BCAS3: variants seen among roughly 807,000 people sequenced by gnomAD.
BCAS3 encodes BCAS4/BCAS3 fusion.
BCAS3 carries 53 observed loss-of-function variants against 116.1 expected under a neutral mutation model. The observed-to-expected ratio is 0.46, with a 90% confidence interval of 0.37 to 0.57. BCAS3 has a LOEUF of 0.57. Among genes scored for constraint, BCAS3 ranks in the 20% least tolerant of loss-of-function variants. BCAS3 has a pLI of 0.00. For synonymous variants in BCAS3, 391 were observed against 408.2 expected, an observed-to-expected ratio of 0.96 and a Z score of 0.51; for missense variants, 917 against 1,165.4, an observed-to-expected ratio of 0.79 and a Z score of 3.10.
rs2058592473 is a variant in BCAS3, at chr17:61,363,917, C to CTCACCCTCCAAGGGCTTGGCCTCT, written c.2426-4403_2426-4380dup. On this transcript the variant is annotated intron_variant, in intron 22 of 23. Transcript: ENST00000407086. The surrounding 1 kb of genome is among the most constrained non-coding windows in gnomAD (Gnocchi z 4.9). Reference sequence around the variant, plus strand: ...AGTTTTCCAAGAGCCCAGAGATGACCTCACCCTCCAAGGGCTTGGCCTCTT... The same window carrying CTCACCCTCCAAGGGCTTGGCCTCT: ...AGTTTTCCAAGAGCCCAGAGATGACCTCACCCTCCAAGGGCTTGGCCTCTTCACCCTCCAAGGGCTTGGCCTCTT... 1.3e-5 allele frequency among the ~76,000 whole-genome samples: 2 copies of CTCACCCTCCAAGGGCTTGGCCTCT among 152,184 alleles called. No individual in the cohort carries two copies. Among genetic ancestry groups the CTCACCCTCCAAGGGCTTGGCCTCT allele is most frequent in the African/African-American group, 4.8e-5 (2 of 41,440 alleles).
chr17:60,929,127 A>G (rs1441632797), intron 13 of BCAS3, among the ~76,000 whole-genome samples: 5 of 152,238 alleles, frequency 3.3e-5, no homozygotes, highest in African/African-American at 1.2e-4. Context: ...GAAATGCGAC[A>G]TTATAAAATG....
rs756931836 is a variant in BCAS3 at position 61,088,257 on chromosome 17, G to A, written c.2425+3693G>A. On this transcript the variant is annotated intron_variant, in intron 22 of 23. Coordinates refer to ENST00000407086, the MANE Select transcript of BCAS3 (RefSeq NM_017679.5). This position sits in a 1 kb window ranked among gnomAD's most constrained non-coding sequence, Gnocchi z 4.2. ...TGTGGGGGTTAAATAATTGTAAGAT[G>A]TTCCATTGTTGGCTGAGGAGATCAT... Among the ~76,000 whole-genome samples, 5 of 152,130 alleles carry A rather than the reference G, an allele frequency of 3.3e-5. No homozygotes were observed. Among genetic ancestry groups the A allele is most frequent in the Non-Finnish European group, 5.9e-5 (4 of 68,020 alleles).
At chr17:60,766,392 TG>T (rs1760493392) in intron 6 of BCAS3, among the ~76,000 whole-genome samples, 1 of 152,206 alleles carries the variant, frequency 6.6e-6, no homozygotes, top group African/African-American at 2.4e-5. Context: ...ATGTCCTTTT[TG>T]TTGATGTTGA....
chr17:60,790,808 A>G (rs2046705002), intron 6 of BCAS3, among the ~76,000 whole-genome samples: 1 of 124,464 alleles, frequency 8.0e-6, no homozygotes. Context: ...CAGTGGTGTG[A>G]TCTCAGCTCA....
chr17:60,854,470 GCA>G (rs1358465109), intron 7 of BCAS3, among the ~76,000 whole-genome samples: 1 of 152,098 alleles, frequency 6.6e-6, no homozygotes, highest in Admixed American at 6.5e-5. Flanking sequence ...TGAGGAATGG[GCA>G]CACTGTCTTC....
intron 5 of BCAS3, chr17:60,727,134 C>T: frequency 1.9e-6 from 1 of 523,038 alleles, no homozygotes; most frequent in Non-Finnish European, 3.4e-6. Context: ...AACATTTTCT[C>T]TTCAAAATTA....
intron 7 of BCAS3, chr17:60,811,023 TGCC>T: frequency 1.5e-6 from 1 of 657,260 alleles, no homozygotes; most frequent in African/African-American, 1.8e-5. Flanking sequence ...CCATGCAGTC[TGCC>T]GAGGTTGGAG....
intron 13 of BCAS3, among the ~76,000 whole-genome samples, chr17:60,929,123 C>A (rs561967759): frequency 6.6e-6 from 1 of 152,114 alleles, no homozygotes; most frequent in Non-Finnish European, 1.5e-5. Flanking sequence ...TTAAGAAATG[C>A]GACATTATAA....
intron 22 of BCAS3, among the ~76,000 whole-genome samples, chr17:61,153,763 C>G (rs184102360): frequency 6.6e-6 from 1 of 151,910 alleles, no homozygotes; most frequent in African/African-American, 2.4e-5. Flanking sequence ...TGCTGTTTAC[C>G]TCATTATCAA....
intron 14 of BCAS3, among the ~76,000 whole-genome samples, chr17:60,982,148 T>C (rs1460776235): frequency 6.6e-6 from 1 of 151,834 alleles, no homozygotes; most frequent in African/African-American, 2.4e-5. Flanking sequence ...TTTATGTGTG[T>C]GTGATTTTTT....
chr17:61,089,745 T>C (rs963156119), intron 22 of BCAS3, among the ~76,000 whole-genome samples: 4 of 151,904 alleles, frequency 2.6e-5, no homozygotes, highest in Non-Finnish European at 4.4e-5. Flanking sequence ...TTGGCTAGGC[T>C]AGTCTCGAAC....
intron 23 of BCAS3, among the ~76,000 whole-genome samples, chr17:61,382,097 G>A (rs1184786428): frequency 2.0e-5 from 3 of 151,938 alleles, no homozygotes; most frequent in African/African-American, 7.2e-5. Flanking sequence ...AGAGGCTAAG[G>A]AGGGTGGATC....
At position 60,879,516 on chromosome 17, in the gene BCAS3, G is replaced by A. The variant is rs117517957; in HGVS notation, c.661+4778G>A. ...TGTATTTGGATATAAAGAAAAAGTC[G>A]CCTTGAGCAGCTGTCTGATGTGGAA... On this transcript the variant is annotated intron_variant, in intron 9 of 23. Transcript: ENST00000407086. Among the ~76,000 whole-genome samples the A allele has an allele frequency of 4.8e-3, 737 of 152,228 alleles. 10 individuals are homozygous for A. The highest frequency in any genetic ancestry group is 0.031 in the Admixed American group (473 of 15,284).
intron 14 of BCAS3, among the ~76,000 whole-genome samples, chr17:60,955,068 T>G (rs562714599): frequency 3.9e-5 from 6 of 152,338 alleles, no homozygotes; most frequent in African/African-American, 1.4e-4. Context: ...TTTGACTGGT[T>G]GTCTACTTGT....
chr17:61,193,147 A>G (rs1449150402), intron 22 of BCAS3, among the ~76,000 whole-genome samples: 1 of 152,222 alleles, frequency 6.6e-6, no homozygotes, highest in Non-Finnish European at 1.5e-5. Context: ...CTGTAATCCC[A>G]GCTAGTCAGG....
chr17:60,727,300 G>T, intron 5 of BCAS3: 1 of 1,162,000 alleles, frequency 8.6e-7, no homozygotes, highest in Non-Finnish European at 1.3e-6. Context: ...TCTTCTTTGT[G>T]GTCTTAGCCT....
At chr17:61,183,096 C>T (rs985754966) in intron 22 of BCAS3, among the ~76,000 whole-genome samples, 1 of 152,150 alleles carries the variant, frequency 6.6e-6, no homozygotes, top group African/African-American at 2.4e-5. Flanking sequence ...CCTATTCTTC[C>T]TCCCAATATT....
At chr17:60,977,491 TTTATTATTATTATTA>T (rs199534358) in intron 14 of BCAS3, among the ~76,000 whole-genome samples, 2 of 149,610 alleles carry the variant, frequency 1.3e-5, no homozygotes, top group Non-Finnish European at 3.0e-5. Context: ...GCACTTTCTT[TTTATTATTATTATTA>T]TTATTATTAT....
intron 22 of BCAS3, among the ~76,000 whole-genome samples, chr17:61,310,291 C>T (rs1418435428): frequency 2.0e-5 from 3 of 152,298 alleles, no homozygotes; most frequent in South Asian, 2.1e-4. Flanking sequence ...CAGTGGCTCA[C>T]GCCTGTAATC....
Sources: gnomAD v4.1 joint callset for allele counts (sites outside exome capture counted in the v4.1 genomes callset) on GRCh38, gnomAD v4.1.1 for gene constraint, Gnocchi (gnomAD v3.1) non-coding constraint, MANE v1.5 for transcripts, NCBI Gene and HGNC (gene_info 2026-07-23, HGNC 2026-07-21) for gene names.